The following JAK2 variants were observed in gnomAD, a reference collection of about 807,000 sequenced individuals.
JAK2 encodes tyrosine-protein kinase JAK2.
Under a neutral mutation model 139.3 loss-of-function variants are expected in JAK2, and 86 were observed. The ratio of observed to expected loss-of-function variants is 0.62; its 90% confidence interval spans 0.52 to 0.74. The LOEUF (loss-of-function observed/expected upper bound fraction) is 0.74. Among genes scored for constraint, JAK2 ranks in the 30% least tolerant of loss-of-function variants. The probability of loss-of-function intolerance (pLI) is 0.00; values close to 1 mark genes in which losing one functional copy is unlikely to be tolerated. For synonymous variants in JAK2, 490 were observed against 437.7 expected, an observed-to-expected ratio of 1.12 and a Z score of -1.49; for missense variants, 1,421 against 1,360.3, an observed-to-expected ratio of 1.04 and a Z score of -0.70.
In JAK2 at chr9:5,123,083, CT is replaced by C; in HGVS notation, c.3143del (p.Phe1048SerfsTer17). On this transcript the variant is annotated frameshift_variant, in exon 23 of 25. Coordinates refer to ENST00000381652, the MANE Select transcript of JAK2 (RefSeq NM_004972.4). LOFTEE classifies it high-confidence loss of function. The part of the protein sequence containing the change: ...VWSFGVVLYE[L>X]FTYIEKSKSP... ...GAGCTTTGGAGTGGTTCTGTATGAA[CT>C]TTTCACATACATTGAGAAGAGTAAA... 1 of 1,610,834 alleles carries C rather than the reference CT, an allele frequency of 6.2e-7. No individual in the cohort carries two copies. Among genetic ancestry groups the C allele is most frequent in the Non-Finnish European group, 8.5e-7 (1 of 1,178,042 alleles).
chr9:5,080,161 T>A, intron 16 of JAK2, 68 bp from the exon 17 acceptor site: 1 of 1,194,620 alleles, frequency 8.4e-7, no homozygotes, highest in Non-Finnish European at 1.2e-6. Context: ...ACTTTAAAGC[T>A]ATTTACATAT....
rs191499683 is a variant in JAK2 at position 5,007,418 on chromosome 9, G to C, written c.-25-14545G>C. ...TGTATATGCTGTGGTACTTTTGTCA[G>C]TGGTTATATTTTCCATAAGAGATTT... On this transcript the variant is annotated intron_variant, in intron 2 of 24. Coordinates refer to ENST00000381652, the MANE Select transcript of JAK2 (RefSeq NM_004972.4). Among the ~76,000 whole-genome samples the C allele has an allele frequency of 6.2e-4, 95 of 152,182 alleles. 1 individual carries two copies. The East Asian group carries it at 0.015, about 23-fold the overall frequency.
chr9:5,084,142 G>T (rs1819910745), intron 19 of JAK2, among the ~76,000 whole-genome samples: 1 of 152,032 alleles, frequency 6.6e-6, no homozygotes, highest in African/African-American at 2.4e-5. Context: ...CTCTAAGGAA[G>T]GCGTTTTCAA....
chr9:5,118,160 C>T (rs1374303805), intron 22 of JAK2, among the ~76,000 whole-genome samples: 1 of 151,946 alleles, frequency 6.6e-6, no homozygotes, highest in African/African-American at 2.4e-5. Flanking sequence ...GACTCCATCT[C>T]AAACAAACAA....
intron 22 of JAK2, among the ~76,000 whole-genome samples, chr9:5,101,871 C>T (rs1413795282): frequency 6.6e-6 from 1 of 152,162 alleles, no homozygotes; most frequent in Non-Finnish European, 1.5e-5. Flanking sequence ...ACAAAAAGGG[C>T]ATCCACACCA....
At chr9:5,077,637 C>T in intron 15 of JAK2, 57 bp downstream of exon 15, 2 of 1,113,338 alleles carry the variant, frequency 1.8e-6, no homozygotes, top group South Asian at 4.2e-5. Context: ...AAACAATATA[C>T]AAATTATCTT....
intron 8 of JAK2, among the ~76,000 whole-genome samples, chr9:5,056,081 C>G (rs1442357004): frequency 6.6e-6 from 1 of 151,934 alleles, no homozygotes; most frequent in African/African-American, 2.4e-5. Flanking sequence ...TATACTAGTT[C>G]TCTGATGTAA....
intron 22 of JAK2, among the ~76,000 whole-genome samples, chr9:5,113,257 C>T (rs1266259734): frequency 1.6e-5 from 2 of 126,076 alleles, no homozygotes; most frequent in African/African-American, 3.1e-5. Context: ...ACAAAACATA[C>T]ACTTTGTCAG....
chr9:5,027,615 T>G (rs1195787811), intron 3 of JAK2, among the ~76,000 whole-genome samples: 2 of 152,332 alleles, frequency 1.3e-5, no homozygotes, highest in African/African-American at 4.8e-5. Flanking sequence ...CAATGCTATT[T>G]GATAGCATTT....
At chr9:5,073,210 T>G (rs1056120965) in intron 13 of JAK2, among the ~76,000 whole-genome samples, 1 of 152,234 alleles carries the variant, frequency 6.6e-6, no homozygotes, top group Non-Finnish European at 1.5e-5. Flanking sequence ...GATTCACTAA[T>G]CATACCCAGG....
chr9:5,030,446 G>T (rs189459082), intron 4 of JAK2, among the ~76,000 whole-genome samples: 2 of 152,098 alleles, frequency 1.3e-5, no homozygotes, highest in East Asian at 1.9e-4. Context: ...TTTGATTTGT[G>T]TCTCACAAAT....
intron 2 of JAK2, among the ~76,000 whole-genome samples, chr9:4,996,595 G>A (rs1197898956): frequency 1.3e-5 from 2 of 151,928 alleles, no homozygotes; most frequent in African/African-American, 2.4e-5. Context: ...CGGGGGTGAT[G>A]TGAAATATAG....
intron 23 of JAK2, among the ~76,000 whole-genome samples, chr9:5,124,426 T>C (rs967577203): frequency 6.6e-6 from 1 of 151,818 alleles, no homozygotes; most frequent in African/African-American, 2.4e-5. Context: ...CTTCTGCATA[T>C]GGCAATCCAA....
chr9:5,020,166 G>A lies in JAK2; in HGVS notation c.-25-1797G>A, dbSNP rs140049421. Reference sequence around the variant, plus strand: ...CTGTCCAGTTGTCTGTGCTTATGTCGGCAGTGACGGCGATTGGCTGGGTAG... The same window carrying A: ...CTGTCCAGTTGTCTGTGCTTATGTCAGCAGTGACGGCGATTGGCTGGGTAG... On this transcript the variant is annotated intron_variant, in intron 2 of 24. Transcript: ENST00000381652. Among the ~76,000 whole-genome samples the A allele has an allele frequency of 5.7e-3, 868 of 152,236 alleles. 9 individuals are homozygous for A. Among genetic ancestry groups the A allele is most frequent in the African/African-American group, 0.02 (829 of 41,530 alleles).
chr9:5,025,104 G>A (rs1019762177), intron 3 of JAK2, among the ~76,000 whole-genome samples: 1 of 152,054 alleles, frequency 6.6e-6, no homozygotes, highest in Non-Finnish European at 1.5e-5. Flanking sequence ...ATTTTCTGTA[G>A]TTTATATGAA....
intron 22 of JAK2, among the ~76,000 whole-genome samples, chr9:5,106,023 AC>A (rs1478892764): frequency 6.6e-6 from 1 of 152,022 alleles, no homozygotes; most frequent in Non-Finnish European, 1.5e-5. Context: ...CATGATGAAA[AC>A]GCCAGAAACA....
At chr9:5,009,993 G>C (rs2129945621) in intron 2 of JAK2, among the ~76,000 whole-genome samples, 1 of 152,206 alleles carries the variant, frequency 6.6e-6, no homozygotes, top group Non-Finnish European at 1.5e-5. Flanking sequence ...GGCTAGTCTT[G>C]AGCTCCAGGC....
At chr9:5,080,825 T>C (rs1407236156) in intron 18 of JAK2, 142 bp downstream of exon 18, 1 of 510,860 alleles carries the variant, frequency 2.0e-6, no homozygotes, top group Non-Finnish European at 3.3e-6. Context: ...ATATGGCTTT[T>C]CATGCTTTAT....
At chr9:5,062,932 C>T (rs57299248) in intron 8 of JAK2, among the ~76,000 whole-genome samples, 2 of 151,830 alleles carry the variant, frequency 1.3e-5, no homozygotes, top group East Asian at 1.9e-4. Context: ...TTGTTTTATA[C>T]GTTTTATTCC....
Sources: allele counts gnomAD v4.1 joint callset (sites outside exome capture counted in the v4.1 genomes callset), GRCh38; gene constraint gnomAD v4.1.1; transcripts MANE v1.5; gene names NCBI Gene and HGNC (gene_info 2026-07-23, HGNC 2026-07-21).